The following PLGRKT variants were observed in gnomAD, a reference collection of about 807,000 sequenced individuals.
PLGRKT encodes the protein plasminogen receptor with a C-terminal lysine.
A neutral mutation model predicts 18.5 loss-of-function variants in PLGRKT; 22 were observed. The ratio of observed to expected loss-of-function variants is 1.19; its 90% CI spans 0.85 to 1.70. The LOEUF (loss-of-function observed/expected upper bound fraction) is 1.70, where lower values mean the gene tolerates loss of function less well. Ranked by LOEUF, PLGRKT falls within the 40% of genes most tolerant of loss-of-function variation. The pLI is 0.00. For synonymous variants in PLGRKT, 72 were observed against 52.8 expected (o/e 1.36, Z -1.58); for missense variants, 235 against 174.4 (o/e 1.35, Z -1.96).
chr9:5,370,005 G>A (rs1817482986), intron 3 of PLGRKT, among the ~76,000 whole-genome samples: 1 of 152,006 alleles, frequency 6.6e-6, no homozygotes, highest in African/African-American at 2.4e-5. Context: ...GTGTTGATGG[G>A]TGCAGCAAAC....
At chr9:5,396,850 C>T (rs1229077208) in intron 3 of PLGRKT, among the ~76,000 whole-genome samples, 1 of 151,948 alleles carries the variant, frequency 6.6e-6, no homozygotes, top group African/African-American at 2.4e-5. Context: ...ACAACTCCAA[C>T]AAAGACTGGA....
intron 3 of PLGRKT, among the ~76,000 whole-genome samples, chr9:5,430,629 G>A (rs1483486871): frequency 6.6e-6 from 1 of 152,192 alleles, no homozygotes; most frequent in Admixed American, 6.5e-5. Context: ...GTACAGATCA[G>A]GAGACTGAGG....
At chr9:5,362,257 C>G (rs1175035928) in intron 3 of PLGRKT, among the ~76,000 whole-genome samples, 1 of 152,182 alleles carries the variant, frequency 6.6e-6, no homozygotes, top group Non-Finnish European at 1.5e-5. Context: ...TTTATTTCTA[C>G]TTGCATGGAA....
In PLGRKT at chr9:5,373,128, A is replaced by G. The variant is rs572086945; in HGVS notation, c.82-11240T>C. 5.3e-5 allele frequency among the ~76,000 whole-genome samples: 8 copies of G among 152,296 alleles called. No individual in the cohort carries two copies. The South Asian group carries it at 1.7e-3, about 32-fold the overall frequency. On this transcript the variant is annotated intron_variant, in intron 3 of 5. Transcript: ENST00000223864. ...GCAAGAATTTAAAAAAGGCACATAT[A>G]ATGAGCTCTAAGTTGATCTGGGGTA...
At chr9:5,409,669 G>T (rs1238014409) in intron 3 of PLGRKT, among the ~76,000 whole-genome samples, 2 of 152,230 alleles carry the variant, frequency 1.3e-5, no homozygotes, top group African/African-American at 2.4e-5. Context: ...GGATGGAGCT[G>T]CCCAAAGCCT....
chr9:5,395,825 GA>G (rs1467679690), intron 3 of PLGRKT, among the ~76,000 whole-genome samples: 7 of 149,158 alleles, frequency 4.7e-5, no homozygotes, highest in Admixed American at 1.3e-4. Flanking sequence ...AAAAAAGGTG[GA>G]TTTTTTTTAT....
chr9:5,380,461 T>A (rs1038316778), intron 3 of PLGRKT, among the ~76,000 whole-genome samples: 1 of 152,072 alleles, frequency 6.6e-6, no homozygotes, highest in African/African-American at 2.4e-5. Flanking sequence ...TATTAACTCA[T>A]TTACTCCTCA....
intron 3 of PLGRKT, among the ~76,000 whole-genome samples, chr9:5,425,120 C>T (rs1324428347): frequency 6.6e-6 from 1 of 152,136 alleles, no homozygotes; most frequent in Non-Finnish European, 1.5e-5. Flanking sequence ...AAGTGCTTTG[C>T]CTACATAGCA....
At chr9:5,371,496 C>T (rs1012188000) in intron 3 of PLGRKT, among the ~76,000 whole-genome samples, 3 of 152,206 alleles carry the variant, frequency 2.0e-5, no homozygotes, top group African/African-American at 7.2e-5. Flanking sequence ...GCTTTCGCTT[C>T]TTCCTCATTT....
intron 3 of PLGRKT, among the ~76,000 whole-genome samples, chr9:5,424,087 TAA>T (rs1563789571): frequency 6.9e-6 from 1 of 143,972 alleles, no homozygotes; most frequent in African/African-American, 2.5e-5. Context: ...GTATAATATA[TAA>T]TATATATTAT....
At chr9:5,397,586 G>C (rs559701550) in intron 3 of PLGRKT, among the ~76,000 whole-genome samples, 79 of 151,598 alleles carry the variant, frequency 5.2e-4, no homozygotes, top group Non-Finnish European at 7.8e-4. Flanking sequence ...TGGAGGGTGG[G>C]GGAAAGAAAC....
rs111661406 is a variant in PLGRKT at position 5,415,077 on chromosome 9, G to C, written c.81+16820C>G. ...TATCATTCTCTGACAAAAGGGACCA[G>C]GACTCCATGAAGAAGTCATTAATTC... On this transcript the variant is annotated intron_variant, in intron 3 of 5. Transcript: ENST00000223864. Among the ~76,000 whole-genome samples the C allele has an allele frequency of 3.1e-3, 468 of 152,264 alleles. 2 individuals carry two copies. The highest frequency in any genetic ancestry group is 9.5e-3 in the African/African-American group (395 of 41,538).
chr9:5,368,590 GA>G (rs762019256), intron 3 of PLGRKT, among the ~76,000 whole-genome samples: 1 of 152,170 alleles, frequency 6.6e-6, no homozygotes, highest in Non-Finnish European at 1.5e-5. Context: ...AGAAGGGGTA[GA>G]GGGGGAGGGA....
chr9:5,364,880 G>A (rs1817349596), intron 3 of PLGRKT, among the ~76,000 whole-genome samples: 1 of 152,144 alleles, frequency 6.6e-6, no homozygotes, highest in Non-Finnish European at 1.5e-5. Flanking sequence ...TGTGGTACTG[G>A]ATTAGAGCCA....
chr9:5,395,107 A>G (rs1480048574), intron 3 of PLGRKT, among the ~76,000 whole-genome samples: 1 of 150,830 alleles, frequency 6.6e-6, no homozygotes, highest in African/African-American at 2.4e-5. Context: ...AGGCTTTGCA[A>G]AAAAAAAAAA....
intron 3 of PLGRKT, among the ~76,000 whole-genome samples, chr9:5,425,595 G>A (rs1818681877): frequency 6.6e-6 from 1 of 152,040 alleles, no homozygotes; most frequent in Non-Finnish European, 1.5e-5. Context: ...AGAAAAAGAA[G>A]GGAAAAAATG....
intron 3 of PLGRKT, chr9:5,392,500 T>C (rs1817969023): frequency 6.6e-6 from 1 of 152,040 alleles, no homozygotes; most frequent in Non-Finnish European, 1.5e-5. Context: ...GTCTCGGCTT[T>C]TGCATATGTC....
rs142527802 is a variant in PLGRKT at position 5,378,784 on chromosome 9, G to A, written c.82-16896C>T. 2.1e-4 allele frequency among the ~76,000 whole-genome samples: 32 copies of A among 152,258 alleles called. No homozygotes were observed. In the East Asian group the frequency reaches 6.0e-3, roughly 28 times the overall value. On this transcript the variant is annotated intron_variant, in intron 3 of 5. Transcript: ENST00000223864. ...AAATTACAAATTATAAATAATAATG[G>A]TAGGATTTAACCATCTCTTTCAGAA...
Position 5,418,381 on chromosome 9 carries a change from G to A in PLGRKT, c.81+13516C>T. The A allele has an allele frequency of 1.3e-6, 1 of 772,994 alleles. No homozygotes were observed. The highest frequency in any genetic ancestry group is 2.3e-6 in the Non-Finnish European group (1 of 440,662). The allele number at this position is 772,994 out of a possible 1,614,324, so 47.9% of individuals were successfully genotyped here. A position where few individuals can be genotyped will look rare whatever the true frequency, so the allele number is the denominator to read the frequency against. ...CTGCAGCCCTCTCCAGCCACAAGAT[G>A]TCACAGTCAAGCGCTTAGAAATGCA... On this transcript the variant is annotated intron_variant, in intron 3 of 5. Transcript: ENST00000223864. This position sits in a 1 kb window ranked among gnomAD's most constrained non-coding sequence, Gnocchi z 4.2.
Sources: allele counts gnomAD v4.1 joint callset (sites outside exome capture counted in the v4.1 genomes callset), GRCh38; gene constraint gnomAD v4.1.1; non-coding constraint Gnocchi (gnomAD v3.1); transcripts MANE v1.5; gene names NCBI Gene and HGNC (gene_info 2026-07-23, HGNC 2026-07-21).